The following ZBTB22 variants were observed in gnomAD, a reference collection of about 807,000 sequenced individuals.
The protein encoded by ZBTB22 is zinc finger and BTB domain-containing protein 22.
For synonymous variants in ZBTB22, 356 were observed against 347.3 expected, an observed-to-expected ratio of 1.03 and a Z score of -0.28; for missense variants, 668 against 834.1, an observed-to-expected ratio of 0.80 and a Z score of 2.45.
At position 33,315,227 on chromosome 6, in the gene ZBTB22, C is replaced by T; in HGVS notation, c.1690G>A (p.Glu564Lys). 6.2e-7 allele frequency: 1 copy of T among 1,613,260 alleles called. No individual in the cohort carries two copies. The highest frequency in any genetic ancestry group is 8.5e-7 in the Non-Finnish European group (1 of 1,179,800). ...DSFMRHRGHC[E>K]RRHRLGGVGA... is the part of the protein sequence containing the mutation. ...ACCCCGCCCAGGCGGTGCCGGCGCTCACAGTGTCCTCGGTGGCGCATGAAG... is the reference window on the plus strand; with the variant it reads ...ACCCCGCCCAGGCGGTGCCGGCGCTTACAGTGTCCTCGGTGGCGCATGAAG... Residue 564 changes from glutamate to lysine, a missense_variant, in exon 2 of 2, where the codon GAG becomes AAG. Coordinates refer to ENST00000431845, the MANE Select transcript of ZBTB22 (RefSeq NM_005453.5). The surrounding 1 kb of genome is among the most constrained non-coding windows in gnomAD (Gnocchi z 5.4).
chr6:33,315,645 G>C lies in ZBTB22; in HGVS notation c.1272C>G (p.Asn424Lys), dbSNP rs1374701592. Residue 424 changes from asparagine (N) to lysine (K), a missense_variant, in exon 2 of 2, where the codon AAC becomes AAG. Coordinates refer to ENST00000431845, the MANE Select transcript of ZBTB22 (RefSeq NM_005453.5). The surrounding 1 kb of genome is among the most constrained non-coding windows in gnomAD (Gnocchi z 5.4). ...ACGACGACGGGAAGACCAGGATCTG[G>C]TTGCCCTGCATGTCCAAGGGAAGGA... ...RPLLPLDMQGNQILVFPSSSS... is the reference protein window; with the variant it reads ...RPLLPLDMQGKQILVFPSSSS... 1.2e-6 allele frequency: 2 copies of C among 1,613,824 alleles called. No individual in the cohort carries two copies. The highest frequency in any genetic ancestry group is 1.7e-6 in the Non-Finnish European group (2 of 1,179,980).
Position 33,315,222 on chromosome 6 carries a change from G to C in ZBTB22, c.1695C>G (p.Arg565=), listed in dbSNP as rs1293794316. The C allele has an allele frequency of 6.2e-7, 1 of 1,613,086 alleles. No individual in the cohort carries two copies. Reference sequence around the variant, plus strand: ...CCCCGACCCCGCCCAGGCGGTGCCGGCGCTCACAGTGTCCTCGGTGGCGCA... The same window carrying C: ...CCCCGACCCCGCCCAGGCGGTGCCGCCGCTCACAGTGTCCTCGGTGGCGCA... The part of the protein sequence containing the change: ...SFMRHRGHCE[R]RHRLGGVGAV... The change falls in exon 2 of 2, where the codon CGC becomes CGG. Residue 565 remains arginine (R), a synonymous_variant. Coordinates refer to ENST00000431845, the MANE Select transcript of ZBTB22 (RefSeq NM_005453.5). This position sits in a 1 kb window ranked among gnomAD's most constrained non-coding sequence, Gnocchi z 5.4.
In ZBTB22 at chr6:33,315,692, G is replaced by A; in HGVS notation, c.1225C>T (p.Pro409Ser). ...AGGAGCGGTCGAGGAGGGTGGGAGG[G>A]GGCATAGGAAGAGGGAGTTGGCCCC... ...SGGPTPSSYAPSHPPRPLLPL... is the reference protein window; with the variant it reads ...SGGPTPSSYASSHPPRPLLPL... The change falls in exon 2 of 2, where the codon CCC becomes TCC. Residue 409 changes from proline to serine, a missense_variant. Coordinates refer to ENST00000431845, the MANE Select transcript of ZBTB22 (RefSeq NM_005453.5). This position sits in a 1 kb window ranked among gnomAD's most constrained non-coding sequence, Gnocchi z 5.4. The A allele has an allele frequency of 2.5e-6, 4 of 1,613,604 alleles. No homozygotes were observed. The highest frequency in any genetic ancestry group is 3.4e-6 in the Non-Finnish European group (4 of 1,179,792).
rs780131706 is a variant in ZBTB22 at position 33,315,623 on chromosome 6, A to C, written c.1294T>G (p.Ser432Ala). Residue 432 changes from serine (S) to alanine (A), a missense_variant, in exon 2 of 2, where the codon TCG (serine) becomes GCG (alanine). Coordinates refer to ENST00000431845, the MANE Select transcript of ZBTB22 (RefSeq NM_005453.5). This position sits in a 1 kb window ranked among gnomAD's most constrained non-coding sequence, Gnocchi z 5.4. The stretch of plus-strand genomic sequence containing the variant: ...GCCTGTGAGGATGAGGATGAAGACG[A>C]CGACGGGAAGACCAGGATCTGGTTG... ...QGNQILVFPS[S>A]SSSSSSQAPG... is the part of the protein sequence containing the mutation. The C allele has an allele frequency of 7.4e-6, 12 of 1,613,828 alleles. No homozygotes were observed. In the South Asian group the frequency reaches 1.2e-4, roughly 16 times the overall value.
In ZBTB22 at chr6:33,317,009, T is replaced by C; in HGVS notation, c.-69-24A>G. The C allele has an allele frequency of 2.9e-6, 4 of 1,402,970 alleles. No individual in the cohort carries two copies. The South Asian group carries it at 5.9e-5, about 21-fold the overall frequency. 86.9% of individuals were successfully genotyped at this position (1,402,970 alleles called of 1,614,324 possible). The stretch of plus-strand genomic sequence containing the variant: ...CTCTGGGAAGAAAAAGAGAAAAGAA[T>C]AATGATAACATCTCATAACGACACA... On this transcript the variant is annotated intron_variant, in intron 1 of 1. Coordinates refer to ENST00000431845, the MANE Select transcript of ZBTB22 (RefSeq NM_005453.5).
rs1361740121 is a variant in ZBTB22 at position 33,315,348 on chromosome 6, C to T, written c.1569G>A (p.Lys523=). The stretch of plus-strand genomic sequence containing the variant: ...TGTGCTCAGTCAGATGGTGCTTCAT[C>T]TTGAACTTTTTGTTGCACACGGGGC... The part of the protein sequence containing the change: ...FDCPVCNKKF[K]MKHHLTEHMK... Residue 523 remains lysine (K), a synonymous_variant, in exon 2 of 2, where the codon AAG becomes AAA. Transcript: ENST00000431845. This position sits in a 1 kb window ranked among gnomAD's most constrained non-coding sequence, Gnocchi z 5.4. 1 of 1,614,094 alleles carries T rather than the reference C, an allele frequency of 6.2e-7. No individual in the cohort carries two copies. The highest frequency in any genetic ancestry group is 1.3e-5 in the African/African-American group (1 of 74,942).
At position 33,315,697 on chromosome 6, in the gene ZBTB22, T is replaced by A; in HGVS notation, c.1220A>T (p.Tyr407Phe). Residue 407 changes from tyrosine to phenylalanine, a missense_variant, in exon 2 of 2, where the codon TAT becomes TTT. Coordinates refer to ENST00000431845, the MANE Select transcript of ZBTB22 (RefSeq NM_005453.5). The surrounding 1 kb of genome is among the most constrained non-coding windows in gnomAD (Gnocchi z 5.4). Reference protein sequence around the residue: ...DDSGGPTPSSYAPSHPPRPLL... With the variant: ...DDSGGPTPSSFAPSHPPRPLL... ...CGGTCGAGGAGGGTGGGAGGGGGCA[T>A]AGGAAGAGGGAGTTGGCCCCCCTGA... is the stretch of plus-strand genomic sequence containing the variant. 6 of 1,612,956 alleles carry A rather than the reference T, an allele frequency of 3.7e-6. No individual in the cohort carries two copies. The highest frequency in any genetic ancestry group is 5.1e-6 in the Non-Finnish European group (6 of 1,179,484).
Position 33,316,356 on chromosome 6 carries a change from G to C in ZBTB22, c.561C>G (p.Gly187=), listed in dbSNP as rs776812635. 5 of 1,613,856 alleles carry C rather than the reference G, an allele frequency of 3.1e-6. No individual in the cohort carries two copies. The African/African-American group carries it at 4.0e-5, about 13-fold the overall frequency. ...GGCTGGAGGCATGGGAGCGCGCAGAGCCCATGGTAGCAGGGGCCACAGTGC... is the reference window on the plus strand; with the variant it reads ...GGCTGGAGGCATGGGAGCGCGCAGACCCCATGGTAGCAGGGGCCACAGTGC... ...SGGTVAPATM[G]SARSHASSRA... Residue 187 remains glycine, a synonymous_variant, in exon 2 of 2, where the codon GGC becomes GGG. Coordinates refer to ENST00000431845, the MANE Select transcript of ZBTB22 (RefSeq NM_005453.5). The surrounding 1 kb of genome is among the most constrained non-coding windows in gnomAD (Gnocchi z 7.2).
In ZBTB22 at chr6:33,315,554, T is replaced by C; in HGVS notation, c.1363A>G (p.Thr455Ala). 6.2e-7 allele frequency: 1 copy of C among 1,613,898 alleles called. No individual in the cohort carries two copies. The highest frequency in any genetic ancestry group is 8.5e-7 in the Non-Finnish European group (1 of 1,179,982). Residue 455 changes from threonine (T) to alanine (A), a missense_variant, in exon 2 of 2, where the codon ACC (threonine) becomes GCC (alanine). Transcript: ENST00000431845. This position sits in a 1 kb window ranked among gnomAD's most constrained non-coding sequence, Gnocchi z 5.4. ...PGNQAEHGAV[T>A]VGGTSVGSLG... ...CTCCCCACCGACGTGCCCCCCACGGTCACTGCCCCGTGTTCTGCTTGGTTC... is the reference window on the plus strand; with the variant it reads ...CTCCCCACCGACGTGCCCCCCACGGCCACTGCCCCGTGTTCTGCTTGGTTC...
In ZBTB22 at chr6:33,316,872, C is replaced by G; in HGVS notation, c.45G>C (p.Leu15=). 1.2e-6 allele frequency: 2 copies of G among 1,612,436 alleles called. No homozygotes were observed. Among genetic ancestry groups the G allele is most frequent in the Non-Finnish European group, 8.5e-7 (1 of 1,179,378 alleles). ...GTGGGGGCGGAGCCAGCGACAGCGG[C>G]AGGGGAAGTGCTGCCCCACTGGGAG... is the stretch of plus-strand genomic sequence containing the variant. ...PLSPSGAALP[L]PLSLAPPPLP... is the part of the protein sequence containing the mutation. Residue 15 remains leucine (L), a synonymous_variant, in exon 2 of 2, where the codon CTG becomes CTC. Transcript: ENST00000431845. This position sits in a 1 kb window ranked among gnomAD's most constrained non-coding sequence, Gnocchi z 7.2.
At position 33,316,168 on chromosome 6, in the gene ZBTB22, C is replaced by G. The variant is rs35663442; in HGVS notation, c.749G>C (p.Gly250Ala). Residue 250 changes from glycine (G) to alanine (A), a missense_variant, in exon 2 of 2, where the codon GGA (glycine) becomes GCA (alanine). Coordinates refer to ENST00000431845, the MANE Select transcript of ZBTB22 (RefSeq NM_005453.5). This position sits in a 1 kb window ranked among gnomAD's most constrained non-coding sequence, Gnocchi z 7.2. ...PVFPAPVVGS[G>A]GATSGKLLLE... Reference sequence around the variant, plus strand: ...CAGCAGCTTTCCAGATGTGGCCCCTCCACTGCCAACGACAGGGGCTGGGAA... The same window carrying G: ...CAGCAGCTTTCCAGATGTGGCCCCTGCACTGCCAACGACAGGGGCTGGGAA... 2.2e-3 allele frequency: 3,565 copies of G among 1,613,932 alleles called. 52 individuals carry two copies. The African/African-American group carries it at 0.036, about 16-fold the overall frequency.
chr6:33,316,578 G>A lies in ZBTB22; in HGVS notation c.339C>T (p.Tyr113=). 1 of 1,614,250 alleles carries A rather than the reference G, an allele frequency of 6.2e-7. No homozygotes were observed. Among genetic ancestry groups the A allele is most frequent in the Middle Eastern group, 1.6e-4 (1 of 6,062 alleles). The stretch of plus-strand genomic sequence containing the variant: ...CAGCAGCCATGCTGAGGCGGCCAGT[G>A]TAAGCGGAGGCTAGGACAGTCTCAA... ...GAFETVLASA[Y]TGRLSMAAAD... The change falls in exon 2 of 2, where the codon TAC becomes TAT. Residue 113 remains tyrosine, a synonymous_variant. Transcript: ENST00000431845. This position sits in a 1 kb window ranked among gnomAD's most constrained non-coding sequence, Gnocchi z 7.2.
chr6:33,315,157 G>C lies in ZBTB22; in HGVS notation c.1760C>G (p.Pro587Arg), dbSNP rs757902613. The change falls in exon 2 of 2, where the codon CCG (proline) becomes CGG (arginine). Residue 587 changes from proline (P) to arginine (R), a missense_variant. Physicochemically the swap from Pro to Arg is moderately radical, Grantham distance 103. Transcript: ENST00000431845. This position sits in a 1 kb window ranked among gnomAD's most constrained non-coding sequence, Gnocchi z 5.4. ...GPGTPTGPSL[P>R]SKRESPGVGG... is the part of the protein sequence containing the mutation. ...CACTCCGGGAGACTCTCTCTTGGAC[G>C]GCAAGGATGGCCCCGTGGGAGTCCC... 22 of 1,612,878 alleles carry C rather than the reference G, an allele frequency of 1.4e-5. No individual in the cohort carries two copies. Among genetic ancestry groups the C allele is most frequent in the East Asian group, 2.2e-5 (1 of 44,856 alleles).
In ZBTB22 at chr6:33,316,976, G is replaced by A; in HGVS notation, c.-60C>T. The A allele has an allele frequency of 1.3e-6, 2 of 1,486,314 alleles. No individual in the cohort carries two copies. The highest frequency in any genetic ancestry group is 1.4e-5 in the African/African-American group (1 of 70,688). 92.1% of individuals were successfully genotyped at this position (1,486,314 alleles called of 1,614,324 possible). ...GAACAAAGAAAGGAGGAGGGCGGCC[G>A]GGGGGGTCTCTGGGAAGAAAAAGAG... On this transcript the variant is annotated 5_prime_UTR_variant, in exon 2 of 2. Transcript: ENST00000431845. The surrounding 1 kb of genome is among the most constrained non-coding windows in gnomAD (Gnocchi z 7.2).
Position 33,316,119 on chromosome 6 carries a change from AT to A in ZBTB22, c.797del (p.Asp266ValfsTer35). 6.2e-7 allele frequency: 1 copy of A among 1,613,442 alleles called. No homozygotes were observed. The highest frequency in any genetic ancestry group is 8.5e-7 in the Non-Finnish European group (1 of 1,179,956). ...CTGCCCCCCTCCCATCCCCACCATC[AT>A]CGCACAGCTCATCTGCCTCCAGCAG... The part of the protein sequence containing the change: ...KLLLEADELC[D>X]DGGDGRGAVV... On this transcript the variant is annotated frameshift_variant, in exon 2 of 2. Coordinates refer to ENST00000431845, the MANE Select transcript of ZBTB22 (RefSeq NM_005453.5). LOFTEE classifies it low-confidence loss of function (END_TRUNC). This position sits in a 1 kb window ranked among gnomAD's most constrained non-coding sequence, Gnocchi z 7.2.
rs1475366727 is a variant in ZBTB22 at position 33,316,027 on chromosome 6, C to G, written c.890G>C (p.Trp297Ser). Reference sequence around the variant, plus strand: ...ATTACCACCTCGCTTCACGTATACCCAGTGTTTCTGTGGCATGATGCTAGG... The same window carrying G: ...ATTACCACCTCGCTTCACGTATACCGAGTGTTTCTGTGGCATGATGCTAGG... ...TPPSIMPQKH[W>S]VYVKRGGNCP... The change falls in exon 2 of 2, where the codon TGG becomes TCG. Residue 297 changes from tryptophan to serine, a missense_variant. Trp to Ser is a radical substitution (Grantham distance 177). Transcript: ENST00000431845. The surrounding 1 kb of genome is among the most constrained non-coding windows in gnomAD (Gnocchi z 7.2). 11 of 1,613,934 alleles carry G rather than the reference C, an allele frequency of 6.8e-6. No homozygotes were observed. The highest frequency in any genetic ancestry group is 2.2e-5 in the East Asian group (1 of 44,890).
rs1247987268 is a variant in ZBTB22 at position 33,316,239 on chromosome 6, T to C, written c.678A>G (p.Ala226=). ...DFSSSSQEAF[A]ASAVGSGERR... ...GCTCCCCACTGCCCACTGCAGAAGC[T>C]GCAAATGCCTCTTGGGAGGAAGATG... is the stretch of plus-strand genomic sequence containing the variant. The change falls in exon 2 of 2, where the codon GCA becomes GCG. Residue 226 remains alanine (A), a synonymous_variant. Transcript: ENST00000431845. The surrounding 1 kb of genome is among the most constrained non-coding windows in gnomAD (Gnocchi z 7.2). 6.2e-7 allele frequency: 1 copy of C among 1,614,168 alleles called. No individual in the cohort carries two copies. Among genetic ancestry groups the C allele is most frequent in the Non-Finnish European group, 8.5e-7 (1 of 1,180,030 alleles).
chr6:33,316,050 A>T lies in ZBTB22; in HGVS notation c.867T>A (p.Pro289=). ...AGLRRPTYTP[P]SIMPQKHWVY... ...CCCAGTGTTTCTGTGGCATGATGCT[A>T]GGGGGTGTGTAGGTGGGTCTCCGGA... The change falls in exon 2 of 2, where the codon CCT becomes CCA. Residue 289 remains proline, a synonymous_variant. Transcript: ENST00000431845. This position sits in a 1 kb window ranked among gnomAD's most constrained non-coding sequence, Gnocchi z 7.2. 1.2e-6 allele frequency: 2 copies of T among 1,613,754 alleles called. No homozygotes were observed.
intron 1 of ZBTB22, among the ~76,000 whole-genome samples, 184 bp downstream of exon 1, chr6:33,317,469 C>A (rs868286419): frequency 1.5e-5 from 2 of 135,894 alleles, no homozygotes; most frequent in East Asian, 2.2e-4. Context: ...GCCCCAGCTT[C>A]TCTAGCCCCG....
Sources: gnomAD v4.1 joint callset for allele counts (sites outside exome capture counted in the v4.1 genomes callset) on GRCh38, gnomAD v4.1.1 for gene constraint, Gnocchi (gnomAD v3.1) non-coding constraint, MANE v1.5 for transcripts, NCBI Gene and HGNC (gene_info 2026-07-23, HGNC 2026-07-21) for gene names.